The following NEMP1 variants were observed in gnomAD, a reference collection of about 807,000 sequenced individuals.
NEMP1 encodes the protein nuclear envelope integral membrane protein 1.
A neutral mutation model predicts 53.7 loss-of-function variants in NEMP1; 29 were observed. That is an observed-to-expected ratio of 0.54 (90% CI 0.40 to 0.74). The LOEUF (loss-of-function observed/expected upper bound fraction) is 0.74. NEMP1 is among the 30% of genes least tolerant of loss of function. The pLI is 0.00. For synonymous variants in NEMP1, 193 were observed against 192.9 expected (o/e 1.00, Z 0.00); for missense variants, 477 against 528.6 (o/e 0.90, Z 0.96).
At chr12:57,078,314 G>T (rs996527581) in intron 1 of NEMP1, among the ~76,000 whole-genome samples, 4 of 152,020 alleles carry the variant, frequency 2.6e-5, no homozygotes, top group African/African-American at 9.7e-5. Context: ...GAAACTCAAG[G>T]CTTCTGCAAC....
chr12:57,059,857 C>T lies in NEMP1; in HGVS notation c.*22G>A, dbSNP rs774610049. ...TGGACCAAGGCACCAAGCCAGTCCACGTAAAGATAACTGACCACTACCTAG... is the reference window on the plus strand; with the variant it reads ...TGGACCAAGGCACCAAGCCAGTCCATGTAAAGATAACTGACCACTACCTAG... On this transcript the variant is annotated 3_prime_UTR_variant, in exon 9 of 9. Coordinates refer to ENST00000300128, the MANE Select transcript of NEMP1 (RefSeq NM_001130963.2). The T allele has an allele frequency of 2.5e-6, 4 of 1,607,606 alleles. No individual in the cohort carries two copies. Among genetic ancestry groups the T allele is most frequent in the East Asian group, 2.2e-5 (1 of 44,818 alleles).
upstream of NEMP1, among the ~76,000 whole-genome samples, chr12:57,083,622 T>C (rs2032909758): frequency 6.6e-6 from 1 of 152,206 alleles, no homozygotes; most frequent in African/African-American, 2.4e-5. Flanking sequence ...CAAATTAATA[T>C]TTCTGGAATG....
At chr12:57,084,236 A>T (rs1013309246) in intron 1 of NEMP1, among the ~76,000 whole-genome samples, 5 of 152,196 alleles carry the variant, frequency 3.3e-5, no homozygotes, top group African/African-American at 1.2e-4. Context: ...TGCTGAGATT[A>T]AGGGCATAAA....
intron 1 of NEMP1, among the ~76,000 whole-genome samples, chr12:57,076,174 TATCCAACCAACAGTACAAA>T (rs748658923): frequency 0.023 from 3,428 of 152,190 alleles, 62 homozygotes; most frequent in Non-Finnish European, 0.035. Context: ...ATACCACAAA[TATCCAACCAACAGTACAAA>T]CCACCAATAT....
intron 8 of NEMP1, among the ~76,000 whole-genome samples, 179 bp from the exon 9 acceptor site, chr12:57,060,238 A>G (rs1311261431): frequency 2.0e-5 from 3 of 152,210 alleles, no homozygotes; most frequent in African/African-American, 7.2e-5. Flanking sequence ...TTAAGGAGAA[A>G]AGGAAAGCTG....
chr12:57,072,945 A>G (rs528790652), intron 1 of NEMP1, 33 bp from the exon 2 acceptor site: 2 of 1,581,606 alleles, frequency 1.3e-6, no homozygotes, highest in East Asian at 2.3e-5. Context: ...AGAATTAAAC[A>G]TAACAAGCTA....
chr12:57,080,136 A>G (rs374120871), upstream of NEMP1, among the ~76,000 whole-genome samples: 1 of 152,014 alleles, frequency 6.6e-6, no homozygotes, highest in East Asian at 1.9e-4. Context: ...AATTTTTTTT[A>G]ATTACTTTTT....
intron 8 of NEMP1, among the ~76,000 whole-genome samples, chr12:57,060,440 C>T (rs2031743416): frequency 6.6e-6 from 1 of 152,178 alleles, no homozygotes. Flanking sequence ...TGAAGCTTCA[C>T]ATACTCATTG....
rs771115599 is a variant in NEMP1 at position 57,059,855 on chromosome 12, C to T, written c.*24G>A. 1 of 1,606,428 alleles carries T rather than the reference C, an allele frequency of 6.2e-7. No homozygotes were observed. The highest frequency in any genetic ancestry group is 1.7e-5 in the Admixed American group (1 of 59,144). On this transcript the variant is annotated 3_prime_UTR_variant, in exon 9 of 9. Transcript: ENST00000300128. ...CATGGACCAAGGCACCAAGCCAGTC[C>T]ACGTAAAGATAACTGACCACTACCT...
intron 4 of NEMP1, among the ~76,000 whole-genome samples, chr12:57,066,042 C>A (rs1222209142): frequency 6.6e-6 from 1 of 151,894 alleles, no homozygotes; most frequent in Non-Finnish European, 1.5e-5. Context: ...ATCACGAGGT[C>A]CGGAGATCGA....
chr12:57,078,705 C>A lies in NEMP1; in HGVS notation c.41G>T (p.Gly14Val), dbSNP rs908795440. ...GMKVAVSPAV[G>V]PGPWGSGVGG... ...GACTCCCGAGCCCCAGGGCCCGGGA[C>A]CAACTGCCGGCGAGACCGCCACTTT... is the stretch of plus-strand genomic sequence containing the variant. The change falls in exon 1 of 9, where the codon GGT (glycine) becomes GTT (valine). Residue 14 changes from glycine (G) to valine (V), a missense_variant. Gly to Val is a moderately radical substitution (Grantham distance 109). Coordinates refer to ENST00000300128, the MANE Select transcript of NEMP1 (RefSeq NM_001130963.2). 1 of 1,613,408 alleles carries A rather than the reference C, an allele frequency of 6.2e-7. No homozygotes were observed. The highest frequency in any genetic ancestry group is 8.5e-7 in the Non-Finnish European group (1 of 1,179,744).
intron 1 of NEMP1, among the ~76,000 whole-genome samples, chr12:57,075,206 G>A (rs975522439): frequency 1.9e-4 from 29 of 151,480 alleles, no homozygotes; most frequent in Admixed American, 9.2e-4. Context: ...CTAACAAGGT[G>A]AAACCCCATC....
chr12:57,058,624 T>C lies in NEMP1; in HGVS notation c.*1255A>G, dbSNP rs536181451. 2 of 152,304 alleles carry C rather than the reference T, an allele frequency of 1.3e-5. No homozygotes were observed. Among genetic ancestry groups the C allele is most frequent in the Admixed American group, 6.5e-5 (1 of 15,298 alleles). The allele number at this position is 152,304 out of a possible 1,614,324, so 9.4% of individuals were successfully genotyped here. A position where few individuals can be genotyped will look rare whatever the true frequency, so the allele number is the denominator to read the frequency against. On this transcript the variant is annotated 3_prime_UTR_variant, in exon 9 of 9. Coordinates refer to ENST00000300128, the MANE Select transcript of NEMP1 (RefSeq NM_001130963.2). The stretch of plus-strand genomic sequence containing the variant: ...ACATCTCAGGTCAGAAACGCAATCA[T>C]AAATAAGTGTAAGTTCATGGAAACT...
In NEMP1 at chr12:57,060,757, T is replaced by C. The variant is rs906353269; in HGVS notation, c.1154+15A>G. 3.1e-6 allele frequency: 5 copies of C among 1,608,360 alleles called. No individual in the cohort carries two copies. The highest frequency in any genetic ancestry group is 1.1e-5 in the South Asian group (1 of 90,062). The stretch of plus-strand genomic sequence containing the variant: ...ATTACCCTGATAGATGCTTGGTATA[T>C]CTGGCCGAGTTTACCTTTTTGGAGA... On this transcript the variant is annotated intron_variant, in intron 8 of 8. Transcript: ENST00000300128.
chr12:57,062,511 T>C (rs144289977), intron 7 of NEMP1, among the ~76,000 whole-genome samples: 3,588 of 149,586 alleles, frequency 0.024, 65 homozygotes, highest in Middle Eastern at 0.062. Context: ...GAGACCTCAA[T>C]GAGCATACGG....
chr12:57,070,649 T>C (rs2032301227), intron 3 of NEMP1, 25 bp downstream of exon 3: 1 of 1,535,454 alleles, frequency 6.5e-7, no homozygotes, highest in East Asian at 2.4e-5. Context: ...ACAGAATCCA[T>C]CAGAAAAACA....
At chr12:57,063,478 A>T in intron 6 of NEMP1, 134 bp from the exon 7 acceptor site, 1 of 704,400 alleles carries the variant, frequency 1.4e-6, no homozygotes, top group Admixed American at 3.0e-5. Context: ...AATTTTTCAC[A>T]CTTTTTTCTT....
In NEMP1 at chr12:57,058,074, G is replaced by C. The variant is rs2031614620; in HGVS notation, c.*1805C>G. The C allele has an allele frequency of 1.3e-5, 2 of 152,188 alleles. No homozygotes were observed. Among genetic ancestry groups the C allele is most frequent in the South Asian group, 2.1e-4 (1 of 4,838 alleles). The allele number at this position is 152,188 out of a possible 1,614,324, so 9.4% of individuals were successfully genotyped here. The stretch of plus-strand genomic sequence containing the variant: ...GGGTATAAAGGTTTCCCAATGTAAA[G>C]TTCCTTTTACCCTTCAACTGTAACC... On this transcript the variant is annotated 3_prime_UTR_variant, in exon 9 of 9. Transcript: ENST00000300128.
At chr12:57,070,573 G>T in intron 3 of NEMP1, 101 bp downstream of exon 3, 1 of 965,980 alleles carries the variant, frequency 1.0e-6, no homozygotes, top group Non-Finnish European at 1.5e-6. Context: ...GAACCCAACT[G>T]GAGCTGTCTT....
Sources: allele counts gnomAD v4.1 joint callset (sites outside exome capture counted in the v4.1 genomes callset), GRCh38; gene constraint gnomAD v4.1.1; transcripts MANE v1.5; gene names NCBI Gene and HGNC (gene_info 2026-07-23, HGNC 2026-07-21).